Variants in WDR20 observed in about 807,000 individuals in gnomAD.
WDR20 encodes WD repeat-containing protein 20.
In WDR20, 3 loss-of-function variants were observed where a neutral mutation model predicts 38.7. That is an observed-to-expected ratio of 0.08 (90% CI 0.04 to 0.20). The LOEUF is 0.20. Ranked by LOEUF, WDR20 falls within the 10% of genes least tolerant of loss-of-function variation. The probability of loss-of-function intolerance (pLI) is 1.00; values close to 1 mark genes in which losing one functional copy is unlikely to be tolerated. For synonymous variants in WDR20, 298 were observed against 285.6 expected (o/e 1.04, Z -0.44); for missense variants, 559 against 727.7 (o/e 0.77, Z 2.67).
chr14:102,216,678 C>G (rs1446121300), downstream of WDR20, among the ~76,000 whole-genome samples: 2 of 152,138 alleles, frequency 1.3e-5, no homozygotes, highest in African/African-American at 4.8e-5. Flanking sequence ...GCCTGTAATC[C>G]CAGCACTTTG....
At chr14:102,219,444 A>G (rs959607650), downstream of WDR20, among the ~76,000 whole-genome samples, 2 of 152,216 alleles carry the variant, frequency 1.3e-5, no homozygotes, top group African/African-American at 4.8e-5. Context: ...ACTGATGCCA[A>G]CGCAGGGCCA....
In WDR20 at chr14:102,222,309, CA is replaced by C. The variant is rs1483217873; in HGVS notation, c.1693-520del. 6.6e-6 allele frequency among the ~76,000 whole-genome samples: 1 copy of C among 152,212 alleles called. No homozygotes were observed. Among genetic ancestry groups the C allele is most frequent in the African/African-American group, 2.4e-5 (1 of 41,454 alleles). On this transcript the variant is annotated intron_variant, in intron 3 of 3. Coordinates refer to the WDR20 transcript ENST00000335263. This position sits in a 1 kb window ranked among gnomAD's most constrained non-coding sequence, Gnocchi z 4.4. ...GCCTACACATGTGGACAGCTACAGC[CA>C]GGGGGTGCCACGGTCACACCACCCA... is the stretch of plus-strand genomic sequence containing the variant.
downstream of WDR20, chr14:102,213,918 T>C (rs2062875730): frequency 6.1e-6 from 6 of 985,408 alleles, 1 homozygote; most frequent in South Asian, 2.8e-4. Flanking sequence ...ACGGAAGAAC[T>C]AGAAGCAGTT....
At chr14:102,159,375 G>A (rs2058154322) in intron 1 of WDR20, among the ~76,000 whole-genome samples, 1 of 152,186 alleles carries the variant, frequency 6.6e-6, no homozygotes, top group African/African-American at 2.4e-5. Context: ...AGCTACATCA[G>A]CATCATCAGC....
intron 2 of WDR20, chr14:102,198,069 A>G: frequency 5.1e-6 from 2 of 392,732 alleles, no homozygotes; most frequent in East Asian, 7.8e-5. Context: ...GAGCAGGCCC[A>G]AGAAAGGGAG....
intron 1 of WDR20, among the ~76,000 whole-genome samples, chr14:102,150,694 T>A (rs1299417951): frequency 6.6e-6 from 1 of 152,150 alleles, no homozygotes; most frequent in East Asian, 1.9e-4. Context: ...GCCTTAATAT[T>A]TCATTTAATA....
chr14:102,145,148 G>A (rs191153232), intron 1 of WDR20, among the ~76,000 whole-genome samples: 1 of 152,182 alleles, frequency 6.6e-6, no homozygotes, highest in South Asian at 2.1e-4. Flanking sequence ...CCAGTTTAGA[G>A]TTAGGCCCTT....
At chr14:102,146,414 C>T (rs911432684) in intron 1 of WDR20, among the ~76,000 whole-genome samples, 4 of 152,120 alleles carry the variant, frequency 2.6e-5, no homozygotes, top group Non-Finnish European at 4.4e-5. Context: ...CCACCCGTCT[C>T]GGCCTCTCAA....
chr14:102,191,121 G>C (rs1199611905), intron 1 of WDR20: 2 of 152,206 alleles, frequency 1.3e-5, no homozygotes, highest in African/African-American at 4.8e-5. Context: ...TCTGTTATCT[G>C]CAGCCTTCAC....
chr14:102,186,690 A>G (rs532079997), intron 1 of WDR20, among the ~76,000 whole-genome samples: 1 of 152,168 alleles, frequency 6.6e-6, no homozygotes, highest in African/African-American at 2.4e-5. Flanking sequence ...AGTGGCTCAC[A>G]TCTGTAATCC....
At chr14:102,213,534 G>A (rs370016169), downstream of WDR20, 58 of 985,386 alleles carry the variant, frequency 5.9e-5, 1 homozygote, top group East Asian at 2.5e-3. Context: ...TCTCAAAGGC[G>A]TTCAGGAATT....
chr14:102,188,789 G>C (rs1468980456), intron 1 of WDR20, among the ~76,000 whole-genome samples: 2 of 145,974 alleles, frequency 1.4e-5, no homozygotes, highest in African/African-American at 2.5e-5. Flanking sequence ...AGGAGAATCA[G>C]TTGAGCCCAG....
At position 102,210,101 on chromosome 14, in the gene WDR20, T is replaced by G. The variant is rs1046886357; in HGVS notation, c.*221T>G. 6.1e-6 allele frequency: 8 copies of G among 1,320,188 alleles called. No homozygotes were observed. In the Admixed American group the frequency reaches 2.9e-4, roughly 48 times the overall value. 81.8% of individuals were successfully genotyped at this position (1,320,188 alleles called of 1,614,324 possible). ...ATAATCAAACTAATTGCCAGCCAAG[T>G]CAGTCATCCTCCTGGGAGTATATAG... is the stretch of plus-strand genomic sequence containing the variant. On this transcript the variant is annotated 3_prime_UTR_variant, in exon 3 of 3. Coordinates refer to ENST00000342702, the MANE Select transcript of WDR20 (RefSeq NM_144574.4).
chr14:102,209,284 G>C lies in WDR20; in HGVS notation c.1114G>C (p.Val372Leu), dbSNP rs1441326840. The C allele has an allele frequency of 6.2e-7, 1 of 1,614,052 alleles. No individual in the cohort carries two copies. Among genetic ancestry groups the C allele is most frequent in the Non-Finnish European group, 8.5e-7 (1 of 1,180,042 alleles). Residue 372 changes from valine to leucine, a missense_variant, in exon 3 of 3, where the codon GTG becomes CTG. Coordinates refer to ENST00000342702, the MANE Select transcript of WDR20 (RefSeq NM_144574.4). The surrounding 1 kb of genome is among the most constrained non-coding windows in gnomAD (Gnocchi z 6.0). ...PVSVTYRFGSVGQDTQLCLWD... is the reference protein window; with the variant it reads ...PVSVTYRFGSLGQDTQLCLWD... ...AAGTGTCACGTATCGGTTTGGTTCC[G>C]TGGGCCAGGACACACAGCTCTGTTT...
At chr14:102,166,578 G>A (rs555880819) in intron 1 of WDR20, among the ~76,000 whole-genome samples, 2 of 152,252 alleles carry the variant, frequency 1.3e-5, no homozygotes, top group East Asian at 3.9e-4. Context: ...GGACTTGACA[G>A]TTTCTCTTTG....
intron 1 of WDR20, among the ~76,000 whole-genome samples, chr14:102,142,285 A>G (rs185362098): frequency 7.4e-4 from 113 of 152,190 alleles, no homozygotes; most frequent in Non-Finnish European, 9.9e-4. Flanking sequence ...ATTTTTTTCC[A>G]TGAATGAGTT....
downstream of WDR20, chr14:102,212,866 C>G (rs79641435): frequency 0.022 from 26,241 of 1,213,452 alleles, 488 homozygotes; most frequent in South Asian, 0.098. Flanking sequence ...AATATCTTTT[C>G]TAACCTAATC....
intron 1 of WDR20, among the ~76,000 whole-genome samples, chr14:102,147,582 G>A (rs1448683898): frequency 6.6e-6 from 1 of 152,150 alleles, no homozygotes; most frequent in Non-Finnish European, 1.5e-5. Context: ...TCACTTATAC[G>A]ATATTTATTA....
chr14:102,212,343 C>T (rs1159622500), downstream of WDR20, among the ~76,000 whole-genome samples: 1 of 152,214 alleles, frequency 6.6e-6, no homozygotes, highest in Non-Finnish European at 1.5e-5. Context: ...GTGCCCTCCC[C>T]AAGGCCCCTC....
Sources: allele counts gnomAD v4.1 joint callset (sites outside exome capture counted in the v4.1 genomes callset), GRCh38; gene constraint gnomAD v4.1.1; non-coding constraint Gnocchi (gnomAD v3.1); transcripts MANE v1.5; gene names NCBI Gene and HGNC (gene_info 2026-07-23, HGNC 2026-07-21).